LAMA2: variants seen among roughly 807,000 people sequenced by gnomAD.
The protein encoded by LAMA2 is laminin subunit alpha 2, also known as laminin subunit alpha-2.
In LAMA2, 269 loss-of-function variants were observed where a neutral mutation model predicts 364.8. The ratio of observed to expected loss-of-function variants is 0.74; its 90% CI spans 0.67 to 0.82. The LOEUF is 0.82. LAMA2 is among the 40% of genes least tolerant of loss of function. The probability of loss-of-function intolerance (pLI) is 0.00; values close to 1 mark genes in which losing one functional copy is unlikely to be tolerated. For synonymous variants in LAMA2, 1,379 were observed against 1,370.6 expected (o/e 1.01, Z -0.14); for missense variants, 3,807 against 3,873.2 (o/e 0.98, Z 0.45).
chr6:129,433,313 G>A (rs949530954), intron 41 of LAMA2, among the ~76,000 whole-genome samples: 2 of 152,178 alleles, frequency 1.3e-5, no homozygotes, highest in African/African-American at 4.8e-5. Context: ...TGGAGACCTA[G>A]GAGAGAAATA....
chr6:129,336,820 G>A (rs1280255983), intron 29 of LAMA2, among the ~76,000 whole-genome samples: 1 of 152,130 alleles, frequency 6.6e-6, no homozygotes, highest in Non-Finnish European at 1.5e-5. Flanking sequence ...CCAATGATGA[G>A]GCGTAAGCTT....
rs370031258 is a variant in LAMA2, at chr6:129,081,850, G to C, written c.397-16323G>C. Reference sequence around the variant, plus strand: ...TATAGAAGAAGCATTTCTGAAGATAGAAAATAAGGATAATTTTTAAACACA... The same window carrying C: ...TATAGAAGAAGCATTTCTGAAGATACAAAATAAGGATAATTTTTAAACACA... On this transcript the variant is annotated intron_variant, in intron 3 of 64. Transcript: ENST00000421865. Among the ~76,000 whole-genome samples the C allele has an allele frequency of 5.3e-5, 8 of 152,214 alleles. No individual in the cohort carries two copies. The South Asian group carries it at 8.3e-4, about 16-fold the overall frequency.
chr6:128,919,708 C>A (rs1401551537), intron 1 of LAMA2, among the ~76,000 whole-genome samples: 1 of 152,176 alleles, frequency 6.6e-6, no homozygotes, highest in East Asian at 1.9e-4. Flanking sequence ...TTATAAAACA[C>A]AATAGTATTG....
intron 29 of LAMA2, among the ~76,000 whole-genome samples, chr6:129,333,768 GCA>G (rs1195580591): frequency 6.6e-6 from 1 of 152,032 alleles, no homozygotes; most frequent in East Asian, 1.9e-4. Context: ...GGCATTTTTA[GCA>G]CAGTTATATT....
At chr6:129,428,764 A>T (rs1781449480) in intron 41 of LAMA2, among the ~76,000 whole-genome samples, 1 of 152,066 alleles carries the variant, frequency 6.6e-6, no homozygotes, top group Admixed American at 6.6e-5. Flanking sequence ...TTTTTCTTGT[A>T]TTTTATTTCT....
At chr6:129,227,121 A>G (rs1467243787) in intron 12 of LAMA2, among the ~76,000 whole-genome samples, 1 of 152,110 alleles carries the variant, frequency 6.6e-6, no homozygotes, top group Non-Finnish European at 1.5e-5. Flanking sequence ...AGTTGATCGA[A>G]TCAGCTCCTG....
chr6:129,193,054 C>A (rs1781627389), intron 12 of LAMA2, among the ~76,000 whole-genome samples: 1 of 152,116 alleles, frequency 6.6e-6, no homozygotes, highest in African/African-American at 2.4e-5. Flanking sequence ...TAATATGCAA[C>A]TTTGTATAGC....
At chr6:129,053,132 G>T (rs916897287) in intron 2 of LAMA2, among the ~76,000 whole-genome samples, 1 of 152,172 alleles carries the variant, frequency 6.6e-6, no homozygotes, top group Non-Finnish European at 1.5e-5. Flanking sequence ...AGGCTGGAGT[G>T]CAATGGCACG....
intron 12 of LAMA2, among the ~76,000 whole-genome samples, chr6:129,215,730 A>C (rs147420847): frequency 6.6e-6 from 1 of 152,140 alleles, no homozygotes; most frequent in South Asian, 2.1e-4. Flanking sequence ...TGTAAATACT[A>C]CTTCTTAGAG....
At chr6:129,427,543 T>G (rs374528413) in intron 40 of LAMA2, among the ~76,000 whole-genome samples, 4 of 152,320 alleles carry the variant, frequency 2.6e-5, no homozygotes, top group African/African-American at 9.6e-5. Context: ...TTGAAGTTCC[T>G]AAGAACTCTG....
intron 22 of LAMA2, 106 bp downstream of exon 22, chr6:129,300,978 G>A (rs1338825998): frequency 3.2e-6 from 3 of 943,172 alleles, no homozygotes; most frequent in Non-Finnish European, 5.2e-6. Flanking sequence ...ACAAAATAAT[G>A]TAGAAGTATT....
chr6:128,976,171 G>A (rs1028169459), intron 1 of LAMA2, among the ~76,000 whole-genome samples: 7 of 152,178 alleles, frequency 4.6e-5, no homozygotes, highest in African/African-American at 1.7e-4. Flanking sequence ...GACTCAGCAG[G>A]TGTTGGTAGC....
chr6:128,959,095 A>G (rs561944490), intron 1 of LAMA2, among the ~76,000 whole-genome samples: 16 of 152,142 alleles, frequency 1.1e-4, no homozygotes, highest in Non-Finnish European at 2.1e-4. Context: ...TCTTTTTTGT[A>G]CATCGTTGCC....
At chr6:128,988,940 A>G (rs1446561616) in intron 1 of LAMA2, among the ~76,000 whole-genome samples, 1 of 152,184 alleles carries the variant, frequency 6.6e-6, no homozygotes, top group Non-Finnish European at 1.5e-5. Context: ...ACTAATACAT[A>G]TTAAGTCAAG....
At chr6:129,369,850 G>A (rs1448998436) in intron 33 of LAMA2, 42 bp from the exon 34 acceptor site, 1 of 1,516,590 alleles carries the variant, frequency 6.6e-7, no homozygotes, top group Non-Finnish European at 9.2e-7. Flanking sequence ...ATCACTGCAA[G>A]GCCATTTACT....
At chr6:129,302,558 A>G (rs958536838) in intron 22 of LAMA2, among the ~76,000 whole-genome samples, 2 of 152,090 alleles carry the variant, frequency 1.3e-5, no homozygotes, top group Non-Finnish European at 2.9e-5. Flanking sequence ...ACAAGGTCCA[A>G]AGATTTCTCT....
rs76237993 is a variant in LAMA2 at position 129,246,509 on chromosome 6, G to T, written c.1783-3603G>T. ...CCTGGGGCACCTCTACACACAGTTT[G>T]TGAACACAGGGGTAGATAGATCCTA... On this transcript the variant is annotated intron_variant, in intron 12 of 64. Coordinates refer to ENST00000421865, the MANE Select transcript of LAMA2 (RefSeq NM_000426.4). Among the ~76,000 whole-genome samples, 16 of 152,310 alleles carry T rather than the reference G, an allele frequency of 1.1e-4. No homozygotes were observed. The East Asian group carries it at 3.1e-3, about 29-fold the overall frequency.
intron 44 of LAMA2, 148 bp from the exon 45 acceptor site, chr6:129,445,519 T>G (rs1269679527): frequency 4.4e-6 from 3 of 681,562 alleles, no homozygotes; most frequent in African/African-American, 1.8e-5. Flanking sequence ...TATTGACATT[T>G]GCCATCACAC....
Position 129,393,054 on chromosome 6 carries a change from A to C in LAMA2, c.5244A>C (p.Glu1748Asp). The C allele has an allele frequency of 6.2e-7, 1 of 1,613,520 alleles. No homozygotes were observed. The highest frequency in any genetic ancestry group is 8.5e-7 in the Non-Finnish European group (1 of 1,179,868). Residue 1748 changes from glutamate to aspartate, a missense_variant, in exon 37 of 65, where the codon GAA becomes GAC. By Grantham distance (45) the Glu-to-Asp change is conservative. Around this residue, in one of 3 missense-constraint regions of LAMA2, gnomAD observed 3,333 missense variants for 3,345.7 expected, o/e 1.00. Coordinates refer to ENST00000421865, the MANE Select transcript of LAMA2 (RefSeq NM_000426.4). The stretch of plus-strand genomic sequence containing the variant: ...CTGGGGGTGGTTACAGAGCTGCAGA[A>C]GCCCTTCTGAAAAAAGTGAAGAAGC... ...EIAEDELVAA[E>D]ALLKKVKKLF...
Sources: gnomAD v4.1 joint callset for allele counts (sites outside exome capture counted in the v4.1 genomes callset) on GRCh38, gnomAD v4.1.1 for gene constraint, gnomAD v4.1.1 regional missense constraint, MANE v1.5 for transcripts, NCBI Gene and HGNC (gene_info 2026-07-23, HGNC 2026-07-21) for gene names.